Variants in MAPK13 observed in about 807,000 individuals in gnomAD.
MAPK13 encodes MAP kinase 13.
In MAPK13, 39 loss-of-function variants were observed where a neutral mutation model predicts 53.5. The ratio of observed to expected loss-of-function variants is 0.73; its 90% CI spans 0.56 to 0.95. The LOEUF is 0.95. Among genes scored for constraint, MAPK13 ranks in the 40% least tolerant of loss-of-function variants. The pLI is 0.00. For synonymous variants in MAPK13, 179 were observed against 190.9 expected, an observed-to-expected ratio of 0.94 and a Z score of 0.51; for missense variants, 460 against 471.8, an observed-to-expected ratio of 0.98 and a Z score of 0.23.
chr6:36,139,060 G>T lies in MAPK13; in HGVS notation c.1018+5G>T. ...TCACAGTGGATGAATGGAAGCGTAAGAGCTGGGGCCTCGGGCTTCCTCGCC... is the reference window on the plus strand; with the variant it reads ...TCACAGTGGATGAATGGAAGCGTAATAGCTGGGGCCTCGGGCTTCCTCGCC... On this transcript the variant is annotated splice_donor_5th_base_variant and intron_variant, in intron 11 of 11. Transcript: ENST00000211287. 6.3e-7 allele frequency: 1 copy of T among 1,577,848 alleles called. No individual in the cohort carries two copies. The highest frequency in any genetic ancestry group is 1.2e-5 in the South Asian group (1 of 86,774).
rs1766315781 is a variant in MAPK13, at chr6:36,131,278, A to C, written c.127A>C (p.Ile43Leu). The stretch of plus-strand genomic sequence containing the variant: ...CCGGCCTGTGCCCGACAGCTCGGCC[A>C]TCGACAAGCGGTCAGGGGAGAAGGT... ...SGAYGSVCSA[I>L]DKRSGEKVAI... Residue 43 changes from isoleucine (I) to leucine (L), a missense_variant, in exon 2 of 12, where the codon ATC becomes CTC. Transcript: ENST00000211287. 6.2e-7 allele frequency: 1 copy of C among 1,612,828 alleles called. No individual in the cohort carries two copies. Among genetic ancestry groups the C allele is most frequent in the Non-Finnish European group, 8.5e-7 (1 of 1,179,290 alleles).
intron 10 of MAPK13, 36 bp from the exon 11 acceptor site, chr6:36,138,843 G>C: frequency 1.2e-6 from 2 of 1,612,688 alleles, no homozygotes; most frequent in Non-Finnish European, 1.7e-6. Flanking sequence ...GGCTCTCCCA[G>C]CCCCTGGTGT....
intron 7 of MAPK13, 43 bp downstream of exon 7, chr6:36,136,813 G>A: frequency 1.2e-6 from 2 of 1,611,994 alleles, no homozygotes; most frequent in Non-Finnish European, 1.7e-6. Flanking sequence ...GGGCCATCTG[G>A]TCACTCGGTG....
intron 11 of MAPK13, 58 bp downstream of exon 11, chr6:36,139,113 C>T: frequency 6.6e-7 from 1 of 1,520,716 alleles, no homozygotes; most frequent in Non-Finnish European, 8.8e-7. Flanking sequence ...TTCCTTGCTT[C>T]CTCCATCTTT....
chr6:36,138,469 T>C, intron 9 of MAPK13, 25 bp downstream of exon 9: 1 of 1,609,474 alleles, frequency 6.2e-7, no homozygotes, highest in Non-Finnish European at 8.5e-7. Context: ...GGACCTAGGC[T>C]GGCCTGGGCT....
At chr6:36,134,586 T>C (rs988196836) in intron 3 of MAPK13, among the ~76,000 whole-genome samples, 13 of 152,044 alleles carry the variant, frequency 8.6e-5, no homozygotes, top group African/African-American at 2.7e-4. Context: ...TTTATAGATA[T>C]GGGGTCTCAC....
chr6:36,144,435 G>A lies in MAPK13; in HGVS notation c.*5062G>A, dbSNP rs1766592995. On this transcript the variant is annotated 3_prime_UTR_variant, in exon 12 of 12. Transcript: ENST00000211287. ...ATGAAAAACTCTGTAATTTCTATTG[G>A]CACTGCTGATACAACTGCACTTTGC... 1 of 152,130 alleles carries A rather than the reference G, an allele frequency of 6.6e-6. No individual in the cohort carries two copies. The highest frequency in any genetic ancestry group is 2.4e-5 in the African/African-American group (1 of 41,400). 9.4% of individuals were successfully genotyped at this position (152,130 alleles called of 1,614,324 possible).
Position 36,142,125 on chromosome 6 carries a change from G to A in MAPK13, c.*2752G>A, listed in dbSNP as rs1001170612. 1 of 152,212 alleles carries A rather than the reference G, an allele frequency of 6.6e-6. No individual in the cohort carries two copies. The highest frequency in any genetic ancestry group is 1.9e-4 in the East Asian group (1 of 5,184). The allele number at this position is 152,212 out of a possible 1,614,324, so 9.4% of individuals were successfully genotyped here. On this transcript the variant is annotated 3_prime_UTR_variant, in exon 12 of 12. Transcript: ENST00000211287. This position sits in a 1 kb window ranked among gnomAD's most constrained non-coding sequence, Gnocchi z 4.4. ...ACTGCCTCCCCTAGCTAGTCCTTAT[G>A]TCAGTGTGGGACACCAGTCCTGGGA...
At chr6:36,131,453 G>A (rs1766321853) in intron 2 of MAPK13, 53 bp downstream of exon 2, 1 of 1,554,696 alleles carries the variant, frequency 6.4e-7, no homozygotes, top group Non-Finnish European at 8.7e-7. Flanking sequence ...GGGAGTCAGG[G>A]GCAGGCGCAG....
intron 9 of MAPK13, 120 bp downstream of exon 9, chr6:36,138,564 C>G: frequency 1.6e-6 from 2 of 1,263,364 alleles, no homozygotes; most frequent in Non-Finnish European, 1.1e-6. Context: ...ATCCTCCTAC[C>G]CTGGCAGGCA....
At position 36,132,654 on chromosome 6, in the gene MAPK13, T is replaced by G. The variant is rs141255553; in HGVS notation, c.283T>G (p.Ser95Ala). 2.0e-5 allele frequency: 33 copies of G among 1,614,062 alleles called. No individual in the cohort carries two copies. The highest frequency in any genetic ancestry group is 2.8e-5 in the Non-Finnish European group (33 of 1,180,030). The change falls in exon 3 of 12, where the codon TCC becomes GCC. Residue 95 changes from serine (S) to alanine (A), a missense_variant. Physicochemically the swap from Ser to Ala is moderately conservative, Grantham distance 99 (BLOSUM62 1). Transcript: ENST00000211287. ...GCTCCTGGATGTCTTCACCCCAGCCTCCTCCCTGCGCAACTTCTATGACTT... is the reference window on the plus strand; with the variant it reads ...GCTCCTGGATGTCTTCACCCCAGCCGCCTCCCTGCGCAACTTCTATGACTT... Reference protein sequence around the residue: ...IGLLDVFTPASSLRNFYDFYL... With the variant: ...IGLLDVFTPAASLRNFYDFYL...
intron 8 of MAPK13, 122 bp from the exon 9 acceptor site, chr6:36,138,242 AG>A (rs1766459449): frequency 1.4e-6 from 1 of 704,238 alleles, no homozygotes; most frequent in Admixed American, 2.2e-5. Context: ...GGAGGTGGTT[AG>A]GCAGGGCTGG....
At position 36,143,101 on chromosome 6, in the gene MAPK13, G is replaced by T. The variant is rs1274910307; in HGVS notation, c.*3728G>T. 1 of 152,092 alleles carries T rather than the reference G, an allele frequency of 6.6e-6. No individual in the cohort carries two copies. The highest frequency in any genetic ancestry group is 1.9e-4 in the East Asian group (1 of 5,184). 9.4% of individuals were successfully genotyped at this position (152,092 alleles called of 1,614,324 possible). A position where few individuals can be genotyped will look rare whatever the true frequency, so the allele number is the denominator to read the frequency against. On this transcript the variant is annotated 3_prime_UTR_variant, in exon 12 of 12. Coordinates refer to ENST00000211287, the MANE Select transcript of MAPK13 (RefSeq NM_002754.5). ...AAAGATCTTAACAGAGAGAGATCAG[G>T]AAGCCAGACTGCAAGGTGGGGGACA...
chr6:36,143,816 A>C lies in MAPK13; in HGVS notation c.*4443A>C, dbSNP rs1269770999. 6.6e-6 allele frequency: 1 copy of C among 152,054 alleles called. No homozygotes were observed. The highest frequency in any genetic ancestry group is 1.5e-5 in the Non-Finnish European group (1 of 68,056). 9.4% of individuals were successfully genotyped at this position (152,054 alleles called of 1,614,324 possible). The stretch of plus-strand genomic sequence containing the variant: ...GTCCTCACTTCTTCATTGAGCACCC[A>C]TGGGTGTGTACTGGAGCAAGGGTGG... On this transcript the variant is annotated 3_prime_UTR_variant, in exon 12 of 12. Coordinates refer to ENST00000211287, the MANE Select transcript of MAPK13 (RefSeq NM_002754.5).
chr6:36,131,133 G>C (rs998051934), intron 1 of MAPK13, 138 bp from the exon 2 acceptor site: 16 of 1,009,440 alleles, frequency 1.6e-5, no homozygotes, highest in Non-Finnish European at 2.2e-5. Context: ...CCTGCCCTGC[G>C]TCCCGCGGCT....
chr6:36,136,463 C>T, intron 5 of MAPK13, 21 bp from the exon 6 acceptor site: 1 of 1,570,778 alleles, frequency 6.4e-7, no homozygotes, highest in Non-Finnish European at 8.6e-7. Flanking sequence ...GCCTAGCATG[C>T]ATTCTCTGTC....
At position 36,130,720 on chromosome 6, in the gene MAPK13, T is replaced by TGGGGGAC. The variant is rs146539855; in HGVS notation, c.119+24_119+25insACGGGGG. On this transcript the variant is annotated intron_variant, in intron 1 of 11. Coordinates refer to ENST00000211287, the MANE Select transcript of MAPK13 (RefSeq NM_002754.5). The surrounding 1 kb of genome is among the most constrained non-coding windows in gnomAD (Gnocchi z 4.5). The stretch of plus-strand genomic sequence containing the variant: ...CCGTGTGGTGAGACCCCTGGGCCGC[T>TGGGGGAC]GGGGGGCGGGGGGCGGGCGCCAGGC... 3.0e-6 allele frequency: 2 copies of TGGGGGAC among 669,508 alleles called. No individual in the cohort carries two copies. Among genetic ancestry groups the TGGGGGAC allele is most frequent in the Non-Finnish European group, 4.8e-6 (2 of 415,906 alleles). 41.5% of individuals were successfully genotyped at this position (669,508 alleles called of 1,614,324 possible). A position where few individuals can be genotyped will look rare whatever the true frequency, so the allele number is the denominator to read the frequency against.
At position 36,139,455 on chromosome 6, in the gene MAPK13, A is replaced by AT. The variant is rs1447607100; in HGVS notation, c.*83dup. ...ACTACCAAACTCAGCCCTTCTTGGAATACAGCCTTTCAAGCAGAGGACAGA... is the reference window on the plus strand; with the variant it reads ...ACTACCAAACTCAGCCCTTCTTGGAATTACAGCCTTTCAAGCAGAGGACAGA... On this transcript the variant is annotated 3_prime_UTR_variant, in exon 12 of 12. Coordinates refer to ENST00000211287, the MANE Select transcript of MAPK13 (RefSeq NM_002754.5). The AT allele has an allele frequency of 2.6e-6, 3 of 1,142,292 alleles. No homozygotes were observed. The African/African-American group carries it at 4.6e-5, about 17-fold the overall frequency. 70.8% of individuals were successfully genotyped at this position (1,142,292 alleles called of 1,614,324 possible). A position where few individuals can be genotyped will look rare whatever the true frequency, so the allele number is the denominator to read the frequency against.
At chr6:36,131,081 G>C (rs753887444) in intron 1 of MAPK13, 190 bp from the exon 2 acceptor site, 75 of 607,226 alleles carry the variant, frequency 1.2e-4, no homozygotes, top group Admixed American at 9.4e-4. Context: ...TGCTGCCCCT[G>C]GCGCTGTGCC....
Sources: gnomAD v4.1 joint callset for allele counts (sites outside exome capture counted in the v4.1 genomes callset) on GRCh38, gnomAD v4.1.1 for gene constraint, Gnocchi (gnomAD v3.1) non-coding constraint, MANE v1.5 for transcripts, NCBI Gene and HGNC (gene_info 2026-07-23, HGNC 2026-07-21) for gene names.